OLFM4: variants seen among roughly 807,000 people sequenced by gnomAD.
The protein encoded by OLFM4 is olfactomedin 4, also known as olfactomedin-4.
In OLFM4, 22 loss-of-function variants were observed where a neutral mutation model predicts 25.5. That is an observed-to-expected ratio of 0.86 (90% CI 0.62 to 1.23). OLFM4 has a LOEUF of 1.23. Among genes scored for constraint, OLFM4 ranks in the 50% most tolerant of loss-of-function variants. OLFM4 has a pLI of 0.00. For missense variants in OLFM4, 594 were observed against 619.4 expected (o/e 0.96, Z 0.44); for synonymous variants, 255 against 237.7 (o/e 1.07, Z -0.67).
Position 53,029,008 on chromosome 13 carries a change from C to T in OLFM4, c.172C>T (p.Arg58Cys), listed in dbSNP as rs775793361. The T allele has an allele frequency of 1.3e-5, 21 of 1,614,042 alleles. No individual in the cohort carries two copies. The Admixed American group carries it at 1.5e-4, about 12-fold the overall frequency. The change falls in exon 1 of 5, where the codon CGC becomes TGC. Residue 58 changes from arginine (R) to cysteine (C), a missense_variant. By Grantham distance (180) the Arg-to-Cys change is radical. Coordinates refer to ENST00000219022, the MANE Select transcript of OLFM4 (RefSeq NM_006418.5). Reference protein sequence around the residue: ...SSSRSGSSSSRSLGSGGSVSQ... With the variant: ...SSSRSGSSSSCSLGSGGSVSQ... ...CTCCAGGTCGGGCTCCAGCTCCAGC[C>T]GCAGCTTAGGCAGCGGAGGTTCTGT... is the stretch of plus-strand genomic sequence containing the variant.
chr13:53,050,797 G>A lies in OLFM4; in HGVS notation c.*26G>A. 6.5e-7 allele frequency: 1 copy of A among 1,531,664 alleles called. No individual in the cohort carries two copies. The highest frequency in any genetic ancestry group is 1.9e-4 in the Middle Eastern group (1 of 5,190). The allele number at this position is 1,531,664 out of a possible 1,614,324, so 94.9% of individuals were successfully genotyped here. On this transcript the variant is annotated 3_prime_UTR_variant, in exon 5 of 5. Coordinates refer to ENST00000219022, the MANE Select transcript of OLFM4 (RefSeq NM_006418.5). ...GCTGTTTAGGAGTTAGGGTGAAAGA[G>A]AAAATGTTTGTTGAAAAAATAGTCT...
intron 4 of OLFM4, among the ~76,000 whole-genome samples, chr13:53,045,743 A>C (rs1288502408): frequency 1.2e-4 from 18 of 152,194 alleles, no homozygotes; most frequent in Admixed American, 1.2e-3. Flanking sequence ...AAGTGAATGT[A>C]TCCCAGGTTC....
chr13:53,041,473 G>A (rs1954686413), intron 2 of OLFM4, among the ~76,000 whole-genome samples: 1 of 152,112 alleles, frequency 6.6e-6, no homozygotes, highest in African/African-American at 2.4e-5. Flanking sequence ...ACTTGAGGGT[G>A]GAGGGTGAAA....
chr13:53,043,107 A>C lies in OLFM4; in HGVS notation c.573A>C (p.Ile191=), dbSNP rs1242363443. The change falls in exon 4 of 5, where the codon ATA becomes ATC. Residue 191 remains isoleucine, a splice_region_variant and synonymous_variant. Coordinates refer to ENST00000219022, the MANE Select transcript of OLFM4 (RefSeq NM_006418.5). ...SEIVDQLEVE[I]RNMTLLVEKL... is the part of the protein sequence containing the mutation. ...ACTCTGAATTTTTATTTCCTTAGAT[A>C]AGAAATATGACTCTCTTGGTAGAGA... The C allele has an allele frequency of 6.9e-6, 11 of 1,585,600 alleles. No homozygotes were observed. Among genetic ancestry groups the C allele is most frequent in the Non-Finnish European group, 9.4e-6 (11 of 1,170,326 alleles).
Position 53,028,835 on chromosome 13 carries a change from A to AG in OLFM4, c.-1dup, listed in dbSNP as rs761752188. The AG allele has an allele frequency of 6.2e-7, 1 of 1,613,896 alleles. No individual in the cohort carries two copies. Among genetic ancestry groups the AG allele is most frequent in the Non-Finnish European group, 8.5e-7 (1 of 1,179,860 alleles). ...GCCAGCGGCTCCAGCTAAGAGGACA[A>AG]GATGAGGCCCGGCCTCTCATTTCTC... On this transcript the variant is annotated 5_prime_UTR_variant, in exon 1 of 5. Coordinates refer to ENST00000219022, the MANE Select transcript of OLFM4 (RefSeq NM_006418.5).
intron 2 of OLFM4, among the ~76,000 whole-genome samples, chr13:53,037,337 A>G (rs1371928429): frequency 6.6e-6 from 1 of 152,214 alleles, no homozygotes; most frequent in Non-Finnish European, 1.5e-5. Flanking sequence ...GGTCTTTGGC[A>G]TGAGTTATTT....
intron 2 of OLFM4, among the ~76,000 whole-genome samples, chr13:53,037,245 C>T (rs547957157): frequency 9.9e-5 from 15 of 152,268 alleles, no homozygotes; most frequent in Admixed American, 5.9e-4. Flanking sequence ...CTGTTGTTTA[C>T]GGTATGTCCT....
At chr13:53,029,152 G>T in intron 1 of OLFM4, 112 bp downstream of exon 1, 1 of 1,474,478 alleles carries the variant, frequency 6.8e-7, no homozygotes, top group Non-Finnish European at 9.1e-7. Context: ...AAAGATTTAC[G>T]ACTCATTTTG....
Position 53,029,050 on chromosome 13 carries a change from C to A in OLFM4, c.204+10C>A. 6.2e-7 allele frequency: 1 copy of A among 1,613,624 alleles called. No homozygotes were observed. The highest frequency in any genetic ancestry group is 8.5e-7 in the Non-Finnish European group (1 of 1,180,010). ...AGGTTCTGTGTCCCAGGTGAGGAGG[C>A]CCCAGAATCTGAATGAGCTGCATTC... On this transcript the variant is annotated intron_variant, in intron 1 of 4. Transcript: ENST00000219022.
At position 53,029,555 on chromosome 13, in the gene OLFM4, G is replaced by T. The variant is rs150853867; in HGVS notation, c.204+515G>T. Among the ~76,000 whole-genome samples, 120 of 152,276 alleles carry T rather than the reference G, an allele frequency of 7.9e-4. 1 individual carries two copies. The East Asian group carries it at 0.014, about 18-fold the overall frequency. Reference sequence around the variant, plus strand: ...AGTAGCCCTCGAGGGAGTGAGAGCCGCAGTGCCCTAGTTGAAGCCCTGACC... The same window carrying T: ...AGTAGCCCTCGAGGGAGTGAGAGCCTCAGTGCCCTAGTTGAAGCCCTGACC... On this transcript the variant is annotated intron_variant, in intron 1 of 4. Transcript: ENST00000219022.
intron 3 of OLFM4, among the ~76,000 whole-genome samples, chr13:53,042,766 A>T (rs561848992): frequency 1.3e-5 from 2 of 152,218 alleles, no homozygotes; most frequent in Non-Finnish European, 2.9e-5. Context: ...CATTCATTAG[A>T]ATCTTAATTA....
intron 4 of OLFM4, among the ~76,000 whole-genome samples, chr13:53,049,501 T>G (rs1338591242): frequency 6.6e-6 from 1 of 152,160 alleles, no homozygotes; most frequent in African/African-American, 2.4e-5. Context: ...CTATTCTTTC[T>G]GGGATAGATT....
At chr13:53,041,869 C>T in intron 2 of OLFM4, 41 bp from the exon 3 acceptor site, 2 of 1,418,522 alleles carry the variant, frequency 1.4e-6, no homozygotes, top group Non-Finnish European at 2.0e-6. Context: ...TGGTGTGATA[C>T]TACTCAGGGA....
intron 1 of OLFM4, among the ~76,000 whole-genome samples, chr13:53,031,638 G>A (rs547374367): frequency 2.0e-5 from 3 of 152,184 alleles, no homozygotes; most frequent in Non-Finnish European, 4.4e-5. Flanking sequence ...AGGCTACAAG[G>A]CTGGTTTGAA....
Position 53,041,928 on chromosome 13 carries a change from T to A in OLFM4, c.376T>A (p.Leu126Ile), listed in dbSNP as rs1954688877. 7 of 1,613,588 alleles carry A rather than the reference T, an allele frequency of 4.3e-6. No homozygotes were observed. The East Asian group carries it at 1.6e-4, about 36-fold the overall frequency. The part of the protein sequence containing the change: ...ELSKVREYVQ[L>I]ISVYEKKLLN... ...CTTTCAGGTGAGGGAATATGTCCAA[T>A]TAATTAGTGTGTATGAAAAGAAACT... is the stretch of plus-strand genomic sequence containing the variant. Residue 126 changes from leucine (L) to isoleucine (I), a missense_variant, in exon 3 of 5, where the codon TTA becomes ATA. Leu to Ile is a conservative substitution (Grantham distance 5, BLOSUM62 2). Transcript: ENST00000219022.
At chr13:53,044,857 C>T (rs1954707273) in intron 4 of OLFM4, among the ~76,000 whole-genome samples, 1 of 152,178 alleles carries the variant, frequency 6.6e-6, no homozygotes, top group South Asian at 2.1e-4. Context: ...ATGACAACTC[C>T]TGATAATCCC....
At chr13:53,039,237 A>G (rs1288582914) in intron 2 of OLFM4, among the ~76,000 whole-genome samples, 1 of 152,246 alleles carries the variant, frequency 6.6e-6, no homozygotes, top group Admixed American at 6.5e-5. Context: ...CCAAATGCCA[A>G]CAAGCATATT....
chr13:53,045,049 A>T (rs34110102), intron 4 of OLFM4, among the ~76,000 whole-genome samples: 5,346 of 152,270 alleles, frequency 0.035, 220 homozygotes, highest in East Asian at 0.2. Flanking sequence ...GCTTTTCCTG[A>T]GGCCACACAA....
At chr13:53,029,176 C>A (rs920229323) in intron 1 of OLFM4, 136 bp downstream of exon 1, 2 of 1,279,094 alleles carry the variant, frequency 1.6e-6, no homozygotes, top group Admixed American at 4.5e-5. Flanking sequence ...ACTATAGGTG[C>A]CCCGGAAATG....
Sources: gnomAD v4.1 joint callset for allele counts (sites outside exome capture counted in the v4.1 genomes callset) on GRCh38, gnomAD v4.1.1 for gene constraint, MANE v1.5 for transcripts, NCBI Gene and HGNC (gene_info 2026-07-23, HGNC 2026-07-21) for gene names.